GMDS: variants seen among roughly 807,000 people sequenced by gnomAD.
GMDS encodes GDP-mannose 4,6 dehydratase.
GMDS carries 20 observed loss-of-function variants against 49.9 expected under a neutral mutation model. The ratio of observed to expected loss-of-function variants is 0.40; its 90% CI spans 0.28 to 0.58. The LOEUF is 0.58. GMDS is among the 20% of genes least tolerant of loss of function. The pLI is 0.42. For synonymous variants in GMDS, 177 were observed against 178.6 expected, an observed-to-expected ratio of 0.99 and a Z score of 0.07; for missense variants, 362 against 481.4, an observed-to-expected ratio of 0.75 and a Z score of 2.32.
At chr6:2,056,587 C>G (rs1447631576) in intron 4 of GMDS, among the ~76,000 whole-genome samples, 1 of 152,138 alleles carries the variant, frequency 6.6e-6, no homozygotes, top group Non-Finnish European at 1.5e-5. Flanking sequence ...GGCTACCCAT[C>G]AGAATCACTT....
chr6:2,137,220 T>TA (rs1294950729), intron 1 of GMDS, among the ~76,000 whole-genome samples: 2 of 152,206 alleles, frequency 1.3e-5, no homozygotes, highest in Admixed American at 1.3e-4. Flanking sequence ...TGAATTCTAA[T>TA]ATCTGCCTAG....
chr6:1,728,278 A>G (rs1766662694), intron 8 of GMDS, among the ~76,000 whole-genome samples: 1 of 152,208 alleles, frequency 6.6e-6, no homozygotes, highest in Non-Finnish European at 1.5e-5. Flanking sequence ...GTTTAAGTAG[A>G]ACCTTTTAAA....
intron 7 of GMDS, among the ~76,000 whole-genome samples, chr6:1,894,262 C>T (rs1760036720): frequency 6.6e-6 from 1 of 152,128 alleles, no homozygotes; most frequent in Non-Finnish European, 1.5e-5. Context: ...TACTGCCACT[C>T]TAAGAAAAGC....
In GMDS at chr6:1,930,015, T is replaced by G. The variant is rs943361407; in HGVS notation, c.771+88A>C. On this transcript the variant is annotated intron_variant, in intron 7 of 10. Transcript: ENST00000380815. ...TGGCAAAGGTTTGTATGCCCCCACC[T>G]CTAGGTCACACTTTTTCACTGTACG... The G allele has an allele frequency of 4.9e-6, 6 of 1,221,246 alleles. No individual in the cohort carries two copies. In the East Asian group the frequency reaches 1.4e-4, roughly 29 times the overall value. The allele number at this position is 1,221,246 out of a possible 1,614,324, so 75.7% of individuals were successfully genotyped here. A position where few individuals can be genotyped will look rare whatever the true frequency, so the allele number is the denominator to read the frequency against.
intron 4 of GMDS, among the ~76,000 whole-genome samples, chr6:1,988,590 A>G (rs1256950620): frequency 6.6e-6 from 1 of 152,192 alleles, no homozygotes; most frequent in Non-Finnish European, 1.5e-5. Flanking sequence ...ATTTTGGAAC[A>G]TGCATGCCAT....
chr6:1,739,817 G>A (rs1767191200), intron 8 of GMDS, among the ~76,000 whole-genome samples: 1 of 152,200 alleles, frequency 6.6e-6, no homozygotes, highest in African/African-American at 2.4e-5. Flanking sequence ...AGGAGCACCA[G>A]GTACCTAAGG....
chr6:2,050,102 A>G (rs998824464), intron 4 of GMDS, among the ~76,000 whole-genome samples: 1 of 152,174 alleles, frequency 6.6e-6, no homozygotes, highest in Non-Finnish European at 1.5e-5. Flanking sequence ...TGGTTTTTGG[A>G]AAAGATCAAA....
At chr6:1,752,193 G>T (rs1048494855) in intron 7 of GMDS, among the ~76,000 whole-genome samples, 6 of 152,156 alleles carry the variant, frequency 3.9e-5, no homozygotes, top group African/African-American at 1.4e-4. Flanking sequence ...GAACATAAAT[G>T]ACCTGATGGA....
chr6:1,884,447 C>T (rs1179665011), intron 7 of GMDS, among the ~76,000 whole-genome samples: 1 of 152,184 alleles, frequency 6.6e-6, no homozygotes, highest in African/African-American at 2.4e-5. Flanking sequence ...GGCATTTTTG[C>T]CAACAAGACT....
chr6:1,904,089 G>C (rs1022970698), intron 7 of GMDS, among the ~76,000 whole-genome samples: 2 of 152,178 alleles, frequency 1.3e-5, no homozygotes, highest in African/African-American at 4.8e-5. Context: ...TGTTGAGCAC[G>C]TGATGTCAGG....
chr6:1,945,380 T>C (rs1174886595), intron 6 of GMDS, among the ~76,000 whole-genome samples: 1 of 151,876 alleles, frequency 6.6e-6, no homozygotes, highest in Non-Finnish European at 1.5e-5. Context: ...GCAACAGGAG[T>C]GTGGCCCAAG....
chr6:2,056,655 A>T (rs1467119808), intron 4 of GMDS, among the ~76,000 whole-genome samples: 1 of 152,140 alleles, frequency 6.6e-6, no homozygotes, highest in East Asian at 1.9e-4. Flanking sequence ...CTAACTCAAA[A>T]TCTCCAGGAT....
intron 4 of GMDS, among the ~76,000 whole-genome samples, chr6:2,085,412 T>C (rs1448090675): frequency 6.6e-6 from 1 of 152,212 alleles, no homozygotes; most frequent in Non-Finnish European, 1.5e-5. Flanking sequence ...TAATATTTCA[T>C]CTTGAATTAA....
At chr6:2,200,661 G>C in intron 1 of GMDS, among the ~76,000 whole-genome samples, 1 of 148,874 alleles carries the variant, frequency 6.7e-6, no homozygotes, top group Non-Finnish European at 1.5e-5. Flanking sequence ...ATGCACATCC[G>C]AGATGAAACC....
chr6:1,865,062 C>G (rs899705247), intron 7 of GMDS, among the ~76,000 whole-genome samples: 1 of 152,210 alleles, frequency 6.6e-6, no homozygotes, highest in Admixed American at 6.5e-5. Context: ...TGCTCCCCAA[C>G]TCCATGCTCC....
chr6:2,061,545 T>C (rs974748762), intron 4 of GMDS, among the ~76,000 whole-genome samples: 17 of 151,574 alleles, frequency 1.1e-4, no homozygotes, highest in African/African-American at 4.1e-4. Context: ...GGCAAAACCC[T>C]ATCTCTACTA....
At chr6:2,004,017 C>T (rs1481448672) in intron 4 of GMDS, among the ~76,000 whole-genome samples, 2 of 152,232 alleles carry the variant, frequency 1.3e-5, no homozygotes, top group African/African-American at 4.8e-5. Context: ...CAGAGTTAAA[C>T]TCTTCCATGG....
At chr6:1,764,793 TTC>T (rs1768286221) in intron 7 of GMDS, among the ~76,000 whole-genome samples, 1 of 152,244 alleles carries the variant, frequency 6.6e-6, no homozygotes, top group African/African-American at 2.4e-5. Context: ...TCTAAAGAAT[TTC>T]TGATTCCTTG....
At chr6:2,203,528 C>T (rs1779647871) in intron 1 of GMDS, among the ~76,000 whole-genome samples, 1 of 152,034 alleles carries the variant, frequency 6.6e-6, no homozygotes, top group African/African-American at 2.4e-5. Flanking sequence ...ACAGTAGGCC[C>T]ACTGTGGAAG....
Sources: gnomAD v4.1 joint callset for allele counts (sites outside exome capture counted in the v4.1 genomes callset) on GRCh38, gnomAD v4.1.1 for gene constraint, MANE v1.5 for transcripts, NCBI Gene and HGNC (gene_info 2026-07-23, HGNC 2026-07-21) for gene names.